Variants in TRPC5 observed in about 807,000 individuals in gnomAD.
TRPC5 encodes the protein short transient receptor potential channel 5.
In TRPC5, 9 loss-of-function variants were observed where a neutral mutation model predicts 56.5. The ratio of observed to expected loss-of-function variants is 0.16; its 90% CI spans 0.10 to 0.28. TRPC5 has a LOEUF of 0.28. Ranked by LOEUF, TRPC5 falls within the 10% of genes least tolerant of loss-of-function variation. The probability of loss-of-function intolerance (pLI) is 1.00; values close to 1 mark genes in which losing one functional copy is unlikely to be tolerated. For missense variants in TRPC5, 469 were observed against 748.9 expected (o/e 0.63, Z 4.36); for synonymous variants, 282 against 278.5 (o/e 1.01, Z -0.13).
chrX:112,024,833 G>T (rs1044435716), intron 1 of TRPC5, among the ~76,000 whole-genome samples: 7 of 111,996 alleles, frequency 6.3e-5, no homozygotes, highest in African/African-American at 2.3e-4. Context: ...CTCAATTTAT[G>T]TGTGACATGA....
At chrX:111,898,830 T>C (rs1925198347) in intron 3 of TRPC5, among the ~76,000 whole-genome samples, 1 of 110,133 alleles carries the variant, frequency 9.1e-6, no homozygotes. Context: ...GGAGATAATA[T>C]TAAAGTAGAT....
At chrX:111,958,499 T>C (rs975785214) in intron 1 of TRPC5, among the ~76,000 whole-genome samples, 1 of 112,203 alleles carries the variant, frequency 8.9e-6, no homozygotes, top group East Asian at 2.8e-4. Flanking sequence ...ATTGAATTAT[T>C]CCATGAAAGA....
chrX:111,855,630 T>C (rs778525174), intron 3 of TRPC5, among the ~76,000 whole-genome samples: 1 of 112,552 alleles, frequency 8.9e-6, no homozygotes, highest in South Asian at 3.7e-4. Context: ...CATCCTGTGA[T>C]GTCATTTCCT....
intron 1 of TRPC5, among the ~76,000 whole-genome samples, chrX:112,035,023 C>T (rs1381028384): frequency 1.0e-5 from 1 of 100,387 alleles, no homozygotes; most frequent in Non-Finnish European, 2.0e-5. Flanking sequence ...TTGCTTTATT[C>T]TTCTTTTTCT....
At chrX:111,856,538 A>AAATAATAATAATAATAATAATAAT (rs750089190) in intron 3 of TRPC5, among the ~76,000 whole-genome samples, 5 of 95,175 alleles carry the variant, frequency 5.3e-5, no homozygotes, top group African/African-American at 2.2e-4. Context: ...GCCCTGTCTC[A>AAATAATAATAATAATAATAATAAT]AATAATAATA....
intron 7 of TRPC5, among the ~76,000 whole-genome samples, chrX:111,832,525 T>C (rs368982322): frequency 2.5e-3 from 282 of 112,171 alleles, no homozygotes; most frequent in African/African-American, 8.7e-3. Context: ...ATGTTGCAAA[T>C]GAAATTAAAT....
At chrX:111,805,928 C>T (rs539497557) in intron 7 of TRPC5, among the ~76,000 whole-genome samples, 2 of 111,241 alleles carry the variant, frequency 1.8e-5, no homozygotes, top group South Asian at 7.7e-4. Flanking sequence ...CCACCTCAGC[C>T]TCCCAAAGTG....
At chrX:112,075,400 A>G (rs1484250221) in intron 1 of TRPC5, among the ~76,000 whole-genome samples, 1 of 111,764 alleles carries the variant, frequency 8.9e-6, no homozygotes, top group Non-Finnish European at 1.9e-5. Flanking sequence ...AATACCTATC[A>G]TATAGAAACT....
chrX:111,879,352 G>A (rs1924097069), intron 3 of TRPC5, among the ~76,000 whole-genome samples: 1 of 112,229 alleles, frequency 8.9e-6, no homozygotes, highest in Admixed American at 9.4e-5. Flanking sequence ...TCCCAATGGG[G>A]CCTGTGGTCC....
intron 3 of TRPC5, among the ~76,000 whole-genome samples, chrX:111,907,425 G>C (rs1925666322): frequency 9.1e-6 from 1 of 110,364 alleles, no homozygotes; most frequent in Non-Finnish European, 1.9e-5. Context: ...TCAGGAGTTT[G>C]AGACCAGCTG....
At chrX:111,890,311 GT>G (rs1190044790) in intron 3 of TRPC5, among the ~76,000 whole-genome samples, 2 of 111,771 alleles carry the variant, frequency 1.8e-5, no homozygotes, top group Non-Finnish European at 3.8e-5. Flanking sequence ...TTCTTAAAAT[GT>G]TATTAGATTT....
At chrX:111,842,142 A>ATAT (rs1922774520) in intron 6 of TRPC5, among the ~76,000 whole-genome samples, 1 of 89,070 alleles carries the variant, frequency 1.1e-5, no homozygotes, top group African/African-American at 5.9e-5. Context: ...GTATATATAT[A>ATAT]TATATGTATA....
chrX:111,945,762 G>A (rs1926918089), intron 2 of TRPC5, among the ~76,000 whole-genome samples: 1 of 111,802 alleles, frequency 8.9e-6, no homozygotes, highest in Non-Finnish European at 1.9e-5. Context: ...TAAAGCCCTT[G>A]CCCAGTAAAG....
chrX:111,982,606 A>G (rs1451319420), intron 1 of TRPC5, among the ~76,000 whole-genome samples: 2 of 111,739 alleles, frequency 1.8e-5, no homozygotes, highest in Admixed American at 9.5e-5. Context: ...TTCAGGCTCA[A>G]TCACACCAGC....
At chrX:111,953,901 C>A (rs1486064123) in intron 1 of TRPC5, among the ~76,000 whole-genome samples, 5 of 111,483 alleles carry the variant, frequency 4.5e-5, no homozygotes. Flanking sequence ...TTGCCCTGAG[C>A]AGGCCCAAAT....
chrX:112,008,380 A>G (rs1928897295), intron 1 of TRPC5, among the ~76,000 whole-genome samples: 1 of 111,520 alleles, frequency 9.0e-6, no homozygotes, highest in African/African-American at 3.3e-5. Flanking sequence ...TCACGAGGTC[A>G]GGAGATCGAG....
chrX:111,984,946 C>T (rs976020499), intron 1 of TRPC5, among the ~76,000 whole-genome samples: 4 of 112,088 alleles, frequency 3.6e-5, no homozygotes, highest in African/African-American at 1.3e-4. Flanking sequence ...ATATCTAGTA[C>T]AGCAGCTGCA....
At chrX:111,857,325 G>A (rs1354816770) in intron 3 of TRPC5, among the ~76,000 whole-genome samples, 2 of 111,435 alleles carry the variant, frequency 1.8e-5, no homozygotes, top group Non-Finnish European at 3.8e-5. Flanking sequence ...GATTTGAAAT[G>A]CAGTGAGGAG....
intron 7 of TRPC5, among the ~76,000 whole-genome samples, chrX:111,821,533 T>C (rs1922030582): frequency 8.9e-6 from 1 of 111,900 alleles, no homozygotes; most frequent in South Asian, 3.8e-4. Context: ...AAAGGACACC[T>C]CCTTGCCCTT....
Sources: gnomAD v4.1 joint callset for allele counts (sites outside exome capture counted in the v4.1 genomes callset) on GRCh38, gnomAD v4.1.1 for gene constraint, MANE v1.5 for transcripts, NCBI Gene and HGNC (gene_info 2026-07-23, HGNC 2026-07-21) for gene names.